Variants in MYT1 observed in about 807,000 individuals in gnomAD.
MYT1 encodes the protein myelin transcription factor I.
A neutral mutation model predicts 123.0 loss-of-function variants in MYT1; 23 were observed. That is an observed-to-expected ratio of 0.19 (90% CI 0.13 to 0.26). The LOEUF is 0.26. MYT1 is among the 10% of genes least tolerant of loss of function. The pLI is 1.00. For missense variants in MYT1, 1,125 were observed against 1,472.5 expected (o/e 0.76, Z 3.86); for synonymous variants, 518 against 575.3 (o/e 0.90, Z 1.43).
At chr20:64,209,510 TGGACG>T (rs891534090) in intron 7 of MYT1, among the ~76,000 whole-genome samples, 1 of 152,118 alleles carries the variant, frequency 6.6e-6, no homozygotes, top group Non-Finnish European at 1.5e-5. Context: ...CTTCTCCAGG[TGGACG>T]GGGGCAGTGG....
Position 64,203,199 on chromosome 20 carries a change from T to C in MYT1, c.87-1836T>C, listed in dbSNP as rs147098388. The stretch of plus-strand genomic sequence containing the variant: ...CCACCTTCCTGGGGACCAGGACTCT[T>C]CTGAGCTGAGGGTGACGTGTTCAGG... On this transcript the variant is annotated intron_variant, in intron 4 of 22. Transcript: ENST00000328439. The surrounding 1 kb of genome is among the most constrained non-coding windows in gnomAD (Gnocchi z 5.1). 3.3e-5 allele frequency among the ~76,000 whole-genome samples: 5 copies of C among 152,302 alleles called. No homozygotes were observed. The highest frequency in any genetic ancestry group is 7.4e-5 in the Non-Finnish European group (5 of 68,020).
At chr20:64,222,560 A>G (rs905403416) in intron 14 of MYT1, among the ~76,000 whole-genome samples, 4 of 152,220 alleles carry the variant, frequency 2.6e-5, no homozygotes, top group Admixed American at 2.0e-4. Context: ...GCTGATGGAT[A>G]TGAATCAGAT....
In MYT1 at chr20:64,168,019, C is replaced by A. The variant is rs1469609652; in HGVS notation, c.-99+3280C>A. Among the ~76,000 whole-genome samples the A allele has an allele frequency of 6.6e-6, 1 of 152,232 alleles. No homozygotes were observed. The highest frequency in any genetic ancestry group is 1.5e-5 in the Non-Finnish European group (1 of 68,040). ...CCATCCCCGCTCCAGGACAGCCCCA[C>A]TGGGGAGCCCACTGCCCAGCCCGGA... On this transcript the variant is annotated intron_variant, in intron 1 of 22. Coordinates refer to ENST00000328439, the MANE Select transcript of MYT1 (RefSeq NM_004535.3). The surrounding 1 kb of genome is among the most constrained non-coding windows in gnomAD (Gnocchi z 6.1).
Position 64,203,096 on chromosome 20 carries a change from G to A in MYT1, c.87-1939G>A, listed in dbSNP as rs1331329194. On this transcript the variant is annotated intron_variant, in intron 4 of 22. Coordinates refer to ENST00000328439, the MANE Select transcript of MYT1 (RefSeq NM_004535.3). This position sits in a 1 kb window ranked among gnomAD's most constrained non-coding sequence, Gnocchi z 5.1. ...GGGGTTTCCAGCTTCCTGTCCCCGAGCGGCCTTGTCCGCTCCACGCACTTG... is the reference window on the plus strand; with the variant it reads ...GGGGTTTCCAGCTTCCTGTCCCCGAACGGCCTTGTCCGCTCCACGCACTTG... 6.6e-6 allele frequency among the ~76,000 whole-genome samples: 1 copy of A among 152,208 alleles called. No homozygotes were observed. The highest frequency in any genetic ancestry group is 1.5e-5 in the Non-Finnish European group (1 of 68,050).
intron 13 of MYT1, among the ~76,000 whole-genome samples, chr20:64,220,887 A>G (rs1050804352): frequency 1.5e-5 from 2 of 132,244 alleles, no homozygotes; most frequent in African/African-American, 3.2e-5. Flanking sequence ...TCAGGCCCCT[A>G]TGAAGGGTGG....
Position 64,231,051 on chromosome 20 carries a change from C to T in MYT1, c.2676-1113C>T, listed in dbSNP as rs1263137674. On this transcript the variant is annotated intron_variant, in intron 18 of 22. Coordinates refer to ENST00000328439, the MANE Select transcript of MYT1 (RefSeq NM_004535.3). This position sits in a 1 kb window ranked among gnomAD's most constrained non-coding sequence, Gnocchi z 6.4. ...GAGCCTCTGCCCCCGCCCCCGCCCC[C>T]TGCTACCGTCCTCCCGAGCGCTTCC... Among the ~76,000 whole-genome samples the T allele has an allele frequency of 6.6e-6, 1 of 152,038 alleles. No homozygotes were observed. Among genetic ancestry groups the T allele is most frequent in the African/African-American group, 2.4e-5 (1 of 41,400 alleles).
chr20:64,169,070 G>T (rs939862146), intron 1 of MYT1, among the ~76,000 whole-genome samples: 1 of 152,202 alleles, frequency 6.6e-6, no homozygotes, highest in African/African-American at 2.4e-5. Context: ...CGTGAGAAGA[G>T]GGGGCCCTGG....
intron 4 of MYT1, among the ~76,000 whole-genome samples, chr20:64,201,422 A>C (rs1983294858): frequency 6.6e-6 from 1 of 152,138 alleles, no homozygotes; most frequent in Admixed American, 6.5e-5. Context: ...ATGTGTTGAC[A>C]TCTAGTGTTC....
chr20:64,181,760 C>A (rs556584976), intron 1 of MYT1, among the ~76,000 whole-genome samples: 2 of 152,356 alleles, frequency 1.3e-5, no homozygotes, highest in East Asian at 3.9e-4. Flanking sequence ...TTATTGAGCA[C>A]CCTGGCAGTT....
rs773288616 is a variant in MYT1 at position 64,205,118 on chromosome 20, C to T, written c.149+21C>T. 5.6e-6 allele frequency: 9 copies of T among 1,613,272 alleles called. No individual in the cohort carries two copies. In the Admixed American group the frequency reaches 8.3e-5, roughly 15 times the overall value. ...CGAAGGTAAGAGGACCCTTGGATCT[C>T]ACGGAGATTCCTGGGCGGTAGATTT... On this transcript the variant is annotated intron_variant, in intron 5 of 22. Coordinates refer to ENST00000328439, the MANE Select transcript of MYT1 (RefSeq NM_004535.3).
intron 17 of MYT1, 53 bp downstream of exon 17, chr20:64,227,530 C>T: frequency 6.6e-7 from 1 of 1,514,006 alleles, no homozygotes; most frequent in South Asian, 1.1e-5. Flanking sequence ...CAGGGAGTCT[C>T]TTCCTTATAT....
chr20:64,205,181 T>A (rs1168363407), intron 5 of MYT1, 84 bp downstream of exon 5: 5 of 1,493,544 alleles, frequency 3.3e-6, no homozygotes, highest in Non-Finnish European at 4.6e-6. Flanking sequence ...GAACTTTCCA[T>A]CTTTTTCCAT....
chr20:64,176,558 G>T (rs1187200931), intron 1 of MYT1, among the ~76,000 whole-genome samples: 1 of 141,724 alleles, frequency 7.1e-6, no homozygotes, highest in Non-Finnish European at 1.6e-5. Context: ...CCCACTCTGG[G>T]TTCCTTGTCC....
Position 64,166,022 on chromosome 20 carries a change from G to T in MYT1, c.-99+1283G>T, listed in dbSNP as rs953135955. 1.8e-4 allele frequency among the ~76,000 whole-genome samples: 28 copies of T among 152,272 alleles called. No homozygotes were observed. The highest frequency in any genetic ancestry group is 6.7e-4 in the African/African-American group (28 of 41,554). On this transcript the variant is annotated intron_variant, in intron 1 of 22. Coordinates refer to ENST00000328439, the MANE Select transcript of MYT1 (RefSeq NM_004535.3). This position sits in a 1 kb window ranked among gnomAD's most constrained non-coding sequence, Gnocchi z 4.9. The stretch of plus-strand genomic sequence containing the variant: ...CCTCACTCTGGCCTGGGGAGTGGGG[G>T]TGCTGTATCCTCTACAGGGCTGACT...
intron 2 of MYT1, among the ~76,000 whole-genome samples, chr20:64,195,372 GT>G (rs1983082306): frequency 9.8e-6 from 1 of 102,028 alleles, no homozygotes; most frequent in Non-Finnish European, 1.9e-5. Flanking sequence ...GTGTGTGTGT[GT>G]GTGTGTGTGT....
Position 64,186,343 on chromosome 20 carries a change from G to A in MYT1, c.-98-3720G>A, listed in dbSNP as rs964912471. 1.3e-5 allele frequency among the ~76,000 whole-genome samples: 2 copies of A among 152,116 alleles called. No individual in the cohort carries two copies. Among genetic ancestry groups the A allele is most frequent in the African/African-American group, 4.8e-5 (2 of 41,426 alleles). On this transcript the variant is annotated intron_variant, in intron 1 of 22. Transcript: ENST00000328439. The surrounding 1 kb of genome is among the most constrained non-coding windows in gnomAD (Gnocchi z 4.3). ...CCAGGAGACGTGCTCAGGATGGAGC[G>A]GTCTCTGATGTTCCGTTTCCCATTC...
rs753391946 is a variant in MYT1 at position 64,167,715 on chromosome 20, G to C, written c.-99+2976G>C. On this transcript the variant is annotated intron_variant, in intron 1 of 22. Transcript: ENST00000328439. The surrounding 1 kb of genome is among the most constrained non-coding windows in gnomAD (Gnocchi z 6.3). Reference sequence around the variant, plus strand: ...GCAGGGTGCCCGCAGGGGCTGGGGGGGCTCTTCTCTTTCTTCCTCTCTCCC... The same window carrying C: ...GCAGGGTGCCCGCAGGGGCTGGGGGCGCTCTTCTCTTTCTTCCTCTCTCCC... Among the ~76,000 whole-genome samples, 2 of 152,160 alleles carry C rather than the reference G, an allele frequency of 1.3e-5. No individual in the cohort carries two copies. The highest frequency in any genetic ancestry group is 2.9e-5 in the Non-Finnish European group (2 of 68,024).
intron 19 of MYT1, among the ~76,000 whole-genome samples, chr20:64,235,501 C>CCATGG (rs1984489823): frequency 8.0e-6 from 1 of 125,450 alleles, no homozygotes; most frequent in African/African-American, 3.1e-5. Flanking sequence ...CCTGGGCTGG[C>CCATGG]TGAGTGACCC....
intron 1 of MYT1, among the ~76,000 whole-genome samples, chr20:64,171,772 C>A (rs1043445589): frequency 6.7e-6 from 1 of 150,164 alleles, no homozygotes; most frequent in African/African-American, 2.5e-5. Context: ...AACCCTAACC[C>A]CTAACCTCTG....
Sources: allele counts gnomAD v4.1 joint callset (sites outside exome capture counted in the v4.1 genomes callset), GRCh38; gene constraint gnomAD v4.1.1; non-coding constraint Gnocchi (gnomAD v3.1); transcripts MANE v1.5; gene names NCBI Gene and HGNC (gene_info 2026-07-23, HGNC 2026-07-21).